The following ANKRD30BL variants were observed in gnomAD, a reference collection of about 807,000 sequenced individuals.
The protein encoded by ANKRD30BL is putative ankyrin repeat domain-containing protein 30B-like.
In ANKRD30BL, 20 loss-of-function variants were observed where a neutral mutation model predicts 18.4. The ratio of observed to expected loss-of-function variants is 1.09; its 90% CI spans 0.77 to 1.58. The LOEUF (loss-of-function observed/expected upper bound fraction) is 1.58, where lower values mean the gene tolerates loss of function less well. ANKRD30BL is among the 40% of genes most tolerant of loss of function. The pLI is 0.00. For synonymous variants in ANKRD30BL, 72 were observed against 100.9 expected (o/e 0.71, Z 1.72); for missense variants, 224 against 268.6 (o/e 0.83, Z 1.16).
At chr2:132,250,164 C>G (rs974298269) in intron 1 of ANKRD30BL, among the ~76,000 whole-genome samples, 10 of 152,138 alleles carry the variant, frequency 6.6e-5, no homozygotes, top group African/African-American at 2.2e-4. Flanking sequence ...AAGCTATTTC[C>G]TTTTTCACCA....
chr2:132,178,318 G>A (rs1688399154), intron 1 of ANKRD30BL, among the ~76,000 whole-genome samples: 1 of 152,198 alleles, frequency 6.6e-6, no homozygotes, highest in Admixed American at 6.5e-5. Context: ...CAAAGGATAT[G>A]TCAATGAGTT....
intron 1 of ANKRD30BL, among the ~76,000 whole-genome samples, chr2:132,227,173 T>G (rs201492017): frequency 6.6e-6 from 1 of 151,874 alleles, no homozygotes; most frequent in Non-Finnish European, 1.5e-5. Flanking sequence ...GATATTTGAC[T>G]GCTTTGAGGC....
intron 1 of ANKRD30BL, among the ~76,000 whole-genome samples, chr2:132,255,522 C>T (rs558333825): frequency 6.6e-5 from 10 of 152,114 alleles, no homozygotes; most frequent in Admixed American, 2.0e-4. Flanking sequence ...CAACTACGAG[C>T]TTTTTAACTG....
chr2:132,198,088 A>G (rs1429946707), intron 1 of ANKRD30BL, among the ~76,000 whole-genome samples: 1 of 151,930 alleles, frequency 6.6e-6, no homozygotes, highest in Non-Finnish European at 1.5e-5. Flanking sequence ...GCTCTTTCCT[A>G]TACTAATGTA....
At chr2:132,207,631 T>C (rs1379963879) in intron 1 of ANKRD30BL, among the ~76,000 whole-genome samples, 1 of 152,130 alleles carries the variant, frequency 6.6e-6, no homozygotes, top group Non-Finnish European at 1.5e-5. Context: ...AAGAACATGA[T>C]AGAAATAGAC....
chr2:132,160,031 T>G (rs1003523746), intron 1 of ANKRD30BL, among the ~76,000 whole-genome samples: 3 of 152,224 alleles, frequency 2.0e-5, no homozygotes, highest in Non-Finnish European at 2.9e-5. Context: ...TCTTAGATAT[T>G]TGGGTGTTTC....
chr2:132,161,665 C>A lies in ANKRD30BL; in HGVS notation c.41G>T (p.Gly14Val), dbSNP rs969795107. The stretch of plus-strand genomic sequence containing the variant: ...ACTGAAGGGGCTCGGGCGCTCTGGG[C>A]CCGTCTGGCCCTTGACAGGGGCGGC... ...LSAAPVKGQTGPERPSPFSQL... is the reference protein window; with the variant it reads ...LSAAPVKGQTVPERPSPFSQL... Residue 14 changes from glycine (G) to valine (V), a missense_variant, in exon 1 of 6, where the codon GGC (glycine) becomes GTC (valine). By Grantham distance (109) the Gly-to-Val change is moderately radical (BLOSUM62 -3). Around this residue, in one of 3 missense-constraint regions of ANKRD30BL, gnomAD observed 131 missense variants for 128.8 expected, o/e 1.02. Coordinates refer to ENST00000409867, the MANE Select transcript of ANKRD30BL (RefSeq NM_001358416.1). 3 of 1,451,314 alleles carry A rather than the reference C, an allele frequency of 2.1e-6. No individual in the cohort carries two copies. Among genetic ancestry groups the A allele is most frequent in the Non-Finnish European group, 1.9e-6 (2 of 1,058,608 alleles). The allele number at this position is 1,451,314 out of a possible 1,614,324, so 89.9% of individuals were successfully genotyped here.
At chr2:132,160,553 C>T (rs1296609719) in intron 1 of ANKRD30BL, among the ~76,000 whole-genome samples, 8 of 151,814 alleles carry the variant, frequency 5.3e-5, no homozygotes, top group Non-Finnish European at 8.8e-5. Context: ...ATTCTCCTGA[C>T]TCAGCCTCCC....
intron 1 of ANKRD30BL, among the ~76,000 whole-genome samples, chr2:132,169,730 T>C (rs551761564): frequency 4.0e-5 from 6 of 151,172 alleles, no homozygotes; most frequent in Non-Finnish European, 7.4e-5. Context: ...TAATAGGAAA[T>C]TGCAGAGGTA....
intron 1 of ANKRD30BL, among the ~76,000 whole-genome samples, chr2:132,179,784 T>C (rs1688430122): frequency 1.3e-5 from 2 of 152,142 alleles, no homozygotes; most frequent in African/African-American, 2.4e-5. Flanking sequence ...GACAATGATG[T>C]TGATGATCCT....
At chr2:132,183,570 AT>A (rs1339229582) in intron 1 of ANKRD30BL, among the ~76,000 whole-genome samples, 1 of 152,130 alleles carries the variant, frequency 6.6e-6, no homozygotes, top group African/African-American at 2.4e-5. Context: ...AGAATTAATA[AT>A]GTGAGAGAGA....
intron 1 of ANKRD30BL, among the ~76,000 whole-genome samples, chr2:132,221,109 G>A (rs1158459130): frequency 6.8e-6 from 1 of 146,050 alleles, no homozygotes; most frequent in Non-Finnish European, 1.5e-5. Flanking sequence ...TGAGAAGTGA[G>A]GAGCCCCTCC....
intron 1 of ANKRD30BL, among the ~76,000 whole-genome samples, chr2:132,236,631 G>T (rs1680159238): frequency 6.6e-6 from 1 of 152,170 alleles, no homozygotes; most frequent in Non-Finnish European, 1.5e-5. Flanking sequence ...AACAACACAT[G>T]CTGGAGACGA....
At chr2:132,196,449 G>GA (rs533264777) in intron 1 of ANKRD30BL, among the ~76,000 whole-genome samples, 9,237 of 150,838 alleles carry the variant, frequency 0.061, 342 homozygotes, top group South Asian at 0.13. Context: ...GACTCTGGGG[G>GA]AAAAAAAAAG....
chr2:132,253,656 GGGGAGGCGA>G (rs1272516628), intron 1 of ANKRD30BL, among the ~76,000 whole-genome samples: 2 of 152,078 alleles, frequency 1.3e-5, no homozygotes, highest in Non-Finnish European at 2.9e-5. Context: ...GGAGTCGGCA[GGGGAGGCGA>G]GGGAGGGGCG....
chr2:132,245,005 T>G (rs1428695903), intron 1 of ANKRD30BL, among the ~76,000 whole-genome samples: 1 of 152,146 alleles, frequency 6.6e-6, no homozygotes, highest in African/African-American at 2.4e-5. Flanking sequence ...GAGCTAAAAC[T>G]TTCTTTTGAT....
chr2:132,216,741 C>A (rs577737204), intron 1 of ANKRD30BL, among the ~76,000 whole-genome samples: 2 of 151,190 alleles, frequency 1.3e-5, no homozygotes, highest in Non-Finnish European at 3.0e-5. Context: ...TCATTGGAAT[C>A]GGGTACATCT....
At chr2:132,199,806 A>G (rs912069496) in intron 1 of ANKRD30BL, among the ~76,000 whole-genome samples, 13 of 152,296 alleles carry the variant, frequency 8.5e-5, no homozygotes, top group Non-Finnish European at 1.6e-4. Context: ...TTCTTTCTGC[A>G]TTTGAGATTT....
chr2:132,149,310 CTTG>C lies in ANKRD30BL; in HGVS notation c.680-1085_680-1083del, dbSNP rs35633548. ...ATTTTGGCTAGTAGGAACAGAGTAA[CTTG>C]TTGTAACAAAATTACTATCAACACA... On this transcript the variant is annotated intron_variant, in intron 5 of 5. Coordinates refer to ENST00000409867, the MANE Select transcript of ANKRD30BL (RefSeq NM_001358416.1). Among the ~76,000 whole-genome samples the C allele has an allele frequency of 2.3e-3, 356 of 152,214 alleles. 2 individuals carry two copies. Among genetic ancestry groups the C allele is most frequent in the African/African-American group, 8.1e-3 (335 of 41,548 alleles).
Sources: gnomAD v4.1 joint callset for allele counts (sites outside exome capture counted in the v4.1 genomes callset) on GRCh38, gnomAD v4.1.1 for gene constraint, gnomAD v4.1.1 regional missense constraint, MANE v1.5 for transcripts, NCBI Gene and HGNC (gene_info 2026-07-23, HGNC 2026-07-21) for gene names.